The following CAT variants were observed in gnomAD, a reference collection of about 807,000 sequenced individuals.
The protein encoded by CAT is catalase.
CAT carries 43 observed loss-of-function variants against 59.0 expected under a neutral mutation model. That is an observed-to-expected ratio of 0.73 (90% CI 0.57 to 0.94). The LOEUF is 0.94. Among genes scored for constraint, CAT ranks in the 40% least tolerant of loss-of-function variants. CAT has a pLI of 0.00. For missense variants in CAT, 664 were observed against 682.9 expected (o/e 0.97, Z 0.31); for synonymous variants, 218 against 230.9 (o/e 0.94, Z 0.51).
intron 8 of CAT, among the ~76,000 whole-genome samples, chr11:34,457,949 T>G (rs1223632220): frequency 6.6e-6 from 1 of 152,258 alleles, no homozygotes; most frequent in Admixed American, 6.5e-5. Flanking sequence ...GGGGAACATC[T>G]GAGGCTTTTA....
Position 34,439,054 on chromosome 11 carries a change from A to G in CAT, c.41A>G (p.His14Arg). Residue 14 changes from histidine to arginine, a missense_variant, in exon 1 of 13, where the codon CAC becomes CGC. Transcript: ENST00000241052. ...SRDPASDQMQ[H>R]WKEQRAAQKA... Reference sequence around the variant, plus strand: ...GATCCCGCCAGCGACCAGATGCAGCACTGGAAGGAGCAGCGGGCCGCGCAG... The same window carrying G: ...GATCCCGCCAGCGACCAGATGCAGCGCTGGAAGGAGCAGCGGGCCGCGCAG... 1.9e-6 allele frequency: 3 copies of G among 1,598,998 alleles called. No individual in the cohort carries two copies. The highest frequency in any genetic ancestry group is 2.6e-6 in the Non-Finnish European group (3 of 1,172,924).
intron 11 of CAT, 56 bp from the exon 12 acceptor site, chr11:34,470,902 G>T: frequency 2.9e-6 from 4 of 1,379,638 alleles, no homozygotes; most frequent in Non-Finnish European, 4.1e-6. Flanking sequence ...AGTCCCTGGG[G>T]AGTGATATAG....
At chr11:34,458,758 A>T (rs1218225854) in intron 8 of CAT, among the ~76,000 whole-genome samples, 1 of 152,240 alleles carries the variant, frequency 6.6e-6, no homozygotes, top group Middle Eastern at 3.2e-3. Flanking sequence ...GGCAGTCAGC[A>T]GCACTGAGTC....
intron 1 of CAT, among the ~76,000 whole-genome samples, chr11:34,440,076 G>C (rs7126610): frequency 0.043 from 6,548 of 152,240 alleles, 468 homozygotes; most frequent in African/African-American, 0.15. Context: ...ATTGGCCCAG[G>C]GAGTCTAAAG....
intron 1 of CAT, among the ~76,000 whole-genome samples, chr11:34,446,393 T>C (rs1232496150): frequency 2.0e-5 from 3 of 152,220 alleles, no homozygotes; most frequent in South Asian, 2.1e-4. Flanking sequence ...ACAGGATTGA[T>C]GTTAAGGAGG....
At position 34,453,784 on chromosome 11, in the gene CAT, A is replaced by G. The variant is rs766950326; in HGVS notation, c.586-17A>G. 8.1e-6 allele frequency: 13 copies of G among 1,610,406 alleles called. No individual in the cohort carries two copies. The highest frequency in any genetic ancestry group is 1.1e-5 in the Non-Finnish European group (13 of 1,176,784). ...TTTAAATGAAAACATTTTAGGCTTT[A>G]TATTTCTGTTCTTTAGGTTTCTTTC... On this transcript the variant is annotated splice_polypyrimidine_tract_variant and intron_variant, in intron 5 of 12. Transcript: ENST00000241052.
intron 10 of CAT, among the ~76,000 whole-genome samples, chr11:34,466,780 CAAAAAAAAAAA>C (rs71457350): frequency 2.4e-5 from 1 of 41,142 alleles, no homozygotes; most frequent in Non-Finnish European, 5.2e-5. Flanking sequence ...GACTCCGTCT[CAAAAAAAAAAA>C]AAAAAAAAAA....
chr11:34,450,384 T>TG (rs1293434070), intron 2 of CAT, among the ~76,000 whole-genome samples: 1 of 152,124 alleles, frequency 6.6e-6, no homozygotes, highest in African/African-American at 2.4e-5. Context: ...ACACAAAAGA[T>TG]GGGGGTGGTA....
chr11:34,462,867 C>T (rs535303186), intron 9 of CAT, among the ~76,000 whole-genome samples: 1 of 152,304 alleles, frequency 6.6e-6, no homozygotes, highest in East Asian at 1.9e-4. Context: ...TAACTAGGCA[C>T]ATTTCAAAGA....
chr11:34,439,710 AC>A (rs1856363849), intron 1 of CAT, among the ~76,000 whole-genome samples: 1 of 152,166 alleles, frequency 6.6e-6, no homozygotes, highest in African/African-American at 2.4e-5. Flanking sequence ...TTCTTTGAGC[AC>A]CTGTAGGTGC....
At chr11:34,458,093 T>C (rs1488129384) in intron 8 of CAT, among the ~76,000 whole-genome samples, 1 of 152,158 alleles carries the variant, frequency 6.6e-6, no homozygotes, top group Admixed American at 6.5e-5. Flanking sequence ...GAAAGCAAAA[T>C]TTTGTCTGAT....
intron 11 of CAT, 67 bp from the exon 12 acceptor site, chr11:34,470,891 C>A: frequency 2.3e-6 from 3 of 1,309,470 alleles, no homozygotes; most frequent in Non-Finnish European, 3.3e-6. Context: ...TGGGAAACCA[C>A]AGTCCCTGGG....
intron 1 of CAT, 144 bp from the exon 2 acceptor site, chr11:34,449,048 C>T (rs2133180814): frequency 2.8e-6 from 2 of 720,900 alleles, no homozygotes; most frequent in South Asian, 1.7e-5. Context: ...ATGGCCCATC[C>T]TGTCAGATTT....
At position 34,461,401 on chromosome 11, in the gene CAT, G is replaced by A; in HGVS notation, c.1195+12G>A. On this transcript the variant is annotated intron_variant, in intron 9 of 12. Transcript: ENST00000241052. Reference sequence around the variant, plus strand: ...GCAGGACAATCAGGGTAGGCCTAAAGACGTTGGGCTCCCCCTGCGTGGGCA... The same window carrying A: ...GCAGGACAATCAGGGTAGGCCTAAAAACGTTGGGCTCCCCCTGCGTGGGCA... 4 of 1,614,174 alleles carry A rather than the reference G, an allele frequency of 2.5e-6. No individual in the cohort carries two copies. The highest frequency in any genetic ancestry group is 3.4e-6 in the Non-Finnish European group (4 of 1,180,022).
intron 10 of CAT, 133 bp from the exon 11 acceptor site, chr11:34,468,155 A>G (rs1856739820): frequency 1.3e-6 from 1 of 741,668 alleles, no homozygotes. Context: ...CACAACCCAA[A>G]TTTAAAATTT....
intron 10 of CAT, among the ~76,000 whole-genome samples, chr11:34,465,717 A>G (rs1276953812): frequency 6.6e-6 from 1 of 152,236 alleles, no homozygotes; most frequent in East Asian, 1.9e-4. Context: ...AATACATAAG[A>G]AGGTCCAGAT....
At chr11:34,463,875 G>A (rs1009412934) in intron 9 of CAT, among the ~76,000 whole-genome samples, 2 of 152,152 alleles carry the variant, frequency 1.3e-5, no homozygotes, top group African/African-American at 2.4e-5. Flanking sequence ...CATAAAGTGC[G>A]GCAGCCTGTG....
chr11:34,463,534 A>C (rs1384279549), intron 9 of CAT, among the ~76,000 whole-genome samples: 1 of 152,160 alleles, frequency 6.6e-6, no homozygotes, highest in Admixed American at 6.6e-5. Context: ...GAGACAAAAA[A>C]CCCAGAGTTC....
intron 10 of CAT, among the ~76,000 whole-genome samples, chr11:34,466,189 G>A (rs1856713049): frequency 6.6e-6 from 1 of 152,198 alleles, no homozygotes; most frequent in Admixed American, 6.5e-5. Flanking sequence ...ACATAACTTT[G>A]CCTCTGCTCA....
Sources: allele counts gnomAD v4.1 joint callset (sites outside exome capture counted in the v4.1 genomes callset), GRCh38; gene constraint gnomAD v4.1.1; transcripts MANE v1.5; gene names NCBI Gene and HGNC (gene_info 2026-07-23, HGNC 2026-07-21).